Variants in RBM33 observed in about 807,000 individuals in gnomAD.
RBM33 encodes RNA-binding protein 33.
Under a neutral mutation model 132.6 loss-of-function variants are expected in RBM33, and 28 were observed. That is an observed-to-expected ratio of 0.21 (90% CI 0.16 to 0.29). RBM33 has a LOEUF of 0.29. Ranked by LOEUF, RBM33 falls within the 10% of genes least tolerant of loss-of-function variation. RBM33 has a pLI of 1.00. For missense variants in RBM33, 1,291 were observed against 1,518.5 expected (o/e 0.85, Z 2.49); for synonymous variants, 634 against 593.0 (o/e 1.07, Z -1.01).
intron 5 of RBM33, among the ~76,000 whole-genome samples, chr7:155,691,231 C>CT (rs1464434220): frequency 1.3e-5 from 2 of 152,224 alleles, no homozygotes; most frequent in Non-Finnish European, 2.9e-5. Flanking sequence ...TCTCCAGTCA[C>CT]TGATACCCTT....
chr7:155,720,296 C>T (rs1800580763), intron 9 of RBM33, among the ~76,000 whole-genome samples: 1 of 152,192 alleles, frequency 6.6e-6, no homozygotes, highest in Non-Finnish European at 1.5e-5. Context: ...GCTGATGTTA[C>T]AGTGAACTTG....
At chr7:155,743,919 G>T (rs1801432007) in intron 13 of RBM33, among the ~76,000 whole-genome samples, 2 of 152,096 alleles carry the variant, frequency 1.3e-5, no homozygotes, top group Non-Finnish European at 2.9e-5. Context: ...TGCTCTGTAT[G>T]CCTACCCTTG....
Position 155,670,696 on chromosome 7 carries a change from T to A in RBM33, c.123-2171T>A, listed in dbSNP as rs116609384. 6.3e-3 allele frequency among the ~76,000 whole-genome samples: 964 copies of A among 152,288 alleles called. 17 individuals are homozygous for A. Among genetic ancestry groups the A allele is most frequent in the African/African-American group, 0.022 (896 of 41,562 alleles). The stretch of plus-strand genomic sequence containing the variant: ...GCTCGTGTGTGTGGAACATGTCAAG[T>A]GGTGCCTGGCACAGAAGTGCATTGA... On this transcript the variant is annotated intron_variant, in intron 2 of 17. Transcript: ENST00000401878.
intron 2 of RBM33, among the ~76,000 whole-genome samples, chr7:155,668,048 T>C (rs1278792215): frequency 1.3e-5 from 2 of 152,240 alleles, no homozygotes; most frequent in East Asian, 1.9e-4. Context: ...GCCACAATAG[T>C]TACTATATCT....
rs1483336610 is a variant in RBM33 at position 155,745,875 on chromosome 7, A to G, written c.2979+273A>G. On this transcript the variant is annotated intron_variant, in intron 14 of 17. Transcript: ENST00000401878. This position sits in a 1 kb window ranked among gnomAD's most constrained non-coding sequence, Gnocchi z 4.1. ...GTACAGCCTGCTGCACACCTAGGCTATATGGTACAGCCTGTTGCTCCCTGG... is the reference window on the plus strand; with the variant it reads ...GTACAGCCTGCTGCACACCTAGGCTGTATGGTACAGCCTGTTGCTCCCTGG... Among the ~76,000 whole-genome samples the G allele has an allele frequency of 1.3e-5, 2 of 152,184 alleles. No individual in the cohort carries two copies. The highest frequency in any genetic ancestry group is 1.5e-5 in the Non-Finnish European group (1 of 68,022).
intron 16 of RBM33, among the ~76,000 whole-genome samples, chr7:155,767,141 C>G (rs1159405723): frequency 6.6e-6 from 1 of 152,232 alleles, no homozygotes; most frequent in East Asian, 1.9e-4. Context: ...AGCTGGCTAA[C>G]TCTAATGCTG....
At chr7:155,655,746 A>G (rs139590619) in intron 1 of RBM33, among the ~76,000 whole-genome samples, 428 of 152,212 alleles carry the variant, frequency 2.8e-3, no homozygotes, top group Non-Finnish European at 4.9e-3. Context: ...CTGAAGTATA[A>G]CAGTTGTCTT....
chr7:155,757,056 C>T (rs184935491), intron 14 of RBM33, among the ~76,000 whole-genome samples: 24 of 152,226 alleles, frequency 1.6e-4, no homozygotes, highest in Admixed American at 6.5e-4. Flanking sequence ...TTGAAATAAA[C>T]GTCTGTCCAT....
At chr7:155,677,382 G>T (rs545429717) in intron 3 of RBM33, among the ~76,000 whole-genome samples, 1 of 151,906 alleles carries the variant, frequency 6.6e-6, no homozygotes, top group South Asian at 2.1e-4. Context: ...CTAATTTTTT[G>T]TACTTTTAGT....
chr7:155,653,992 G>A (rs972319310), intron 1 of RBM33, among the ~76,000 whole-genome samples: 1 of 152,106 alleles, frequency 6.6e-6, no homozygotes. Flanking sequence ...TGGAGTTGTT[G>A]GTATTGCAGT....
intron 2 of RBM33, among the ~76,000 whole-genome samples, chr7:155,672,257 C>T (rs2116903511): frequency 6.6e-6 from 1 of 152,162 alleles, no homozygotes; most frequent in South Asian, 2.1e-4. Context: ...TACTATATTA[C>T]AGTTTCTGCT....
At chr7:155,666,334 G>C (rs1798800546) in intron 2 of RBM33, among the ~76,000 whole-genome samples, 1 of 152,194 alleles carries the variant, frequency 6.6e-6, no homozygotes, top group Non-Finnish European at 1.5e-5. Context: ...GGGTGAATTT[G>C]CCCAACTCCA....
chr7:155,763,918 G>A lies in RBM33; in HGVS notation c.3086G>A (p.Gly1029Glu). 1.2e-6 allele frequency: 2 copies of A among 1,606,924 alleles called. No homozygotes were observed. The highest frequency in any genetic ancestry group is 1.7e-6 in the Non-Finnish European group (2 of 1,176,922). Residue 1029 changes from glycine to glutamate, a missense_variant, in exon 15 of 18, where the codon GGG (glycine) becomes GAG (glutamate). Physicochemically the swap from Gly to Glu is moderately conservative, Grantham distance 98 (BLOSUM62 -2). Around this residue, in one of 7 missense-constraint regions of RBM33, gnomAD observed 841 missense variants for 912.0 expected, o/e 0.92. Transcript: ENST00000401878. ...GCCCGCAAGGTGACGCTGACCAGGG[G>A]GGGCCTCCAGCAGCCCCCACATCTG... ...QPARKVTLTR[G>E]GLQQPPHLPA...
At position 155,673,766 on chromosome 7, in the gene RBM33, G is replaced by A. The variant is rs145087812; in HGVS notation, c.171+851G>A. Among the ~76,000 whole-genome samples, 465 of 120,284 alleles carry A rather than the reference G, an allele frequency of 3.9e-3. 28 individuals are homozygous for A. The highest frequency in any genetic ancestry group is 0.012 in the Middle Eastern group (3 of 248). 78.9% of individuals were successfully genotyped at this position (120,284 alleles called of 152,430 possible). A position where few individuals can be genotyped will look rare whatever the true frequency, so the allele number is the denominator to read the frequency against. On this transcript the variant is annotated intron_variant, in intron 3 of 17. Coordinates refer to ENST00000401878, the MANE Select transcript of RBM33 (RefSeq NM_053043.3). ...CACACGTGTATATACGCGCGCATGCGCGCACACACACACACACACACACAC... is the reference window on the plus strand; with the variant it reads ...CACACGTGTATATACGCGCGCATGCACGCACACACACACACACACACACAC...
Position 155,741,955 on chromosome 7 carries a change from C to G in RBM33, c.2186C>G (p.Thr729Arg). Residue 729 changes from threonine to arginine, a missense_variant, in exon 13 of 18, where the codon ACG becomes AGG. Around this residue, in one of 7 missense-constraint regions of RBM33, gnomAD observed 841 missense variants for 912.0 expected, o/e 0.92. Transcript: ENST00000401878. ...ATGAGCAGCAGCCGCTGCTCTGCCA[C>G]GCCCTCAGCACAAGTGAAACCTATC... ...IEMSSSRCSATPSAQVKPIVS... is the reference protein window; with the variant it reads ...IEMSSSRCSARPSAQVKPIVS... 1 of 1,614,044 alleles carries G rather than the reference C, an allele frequency of 6.2e-7. No individual in the cohort carries two copies. Among genetic ancestry groups the G allele is most frequent in the Non-Finnish European group, 8.5e-7 (1 of 1,179,892 alleles).
At chr7:155,698,657 A>G (rs909637148) in intron 5 of RBM33, among the ~76,000 whole-genome samples, 1 of 152,200 alleles carries the variant, frequency 6.6e-6, no homozygotes, top group Admixed American at 6.5e-5. Flanking sequence ...TCCATCACTC[A>G]AAAATATTCC....
intron 14 of RBM33, among the ~76,000 whole-genome samples, chr7:155,752,708 A>G (rs1252891401): frequency 6.6e-6 from 1 of 152,110 alleles, no homozygotes; most frequent in Non-Finnish European, 1.5e-5. Context: ...ATTCCTCAGC[A>G]CTTCGGTTGG....
intron 9 of RBM33, among the ~76,000 whole-genome samples, chr7:155,728,768 G>C (rs1429427154): frequency 6.6e-6 from 1 of 152,192 alleles, no homozygotes; most frequent in African/African-American, 2.4e-5. Context: ...GGGAATGTGA[G>C]AAAAATCCCT....
intron 3 of RBM33, among the ~76,000 whole-genome samples, chr7:155,677,604 ATTTTAT>A (rs1799220915): frequency 6.6e-6 from 1 of 152,110 alleles, no homozygotes; most frequent in South Asian, 2.1e-4. Flanking sequence ...ATCCTGTGTT[ATTTTAT>A]TTTTATCTTA....
Sources: gnomAD v4.1 joint callset for allele counts (sites outside exome capture counted in the v4.1 genomes callset) on GRCh38, gnomAD v4.1.1 for gene constraint, gnomAD v4.1.1 regional missense constraint, Gnocchi (gnomAD v3.1) non-coding constraint, MANE v1.5 for transcripts, NCBI Gene and HGNC (gene_info 2026-07-23, HGNC 2026-07-21) for gene names.